Variants in LARGE1 observed in about 807,000 individuals in gnomAD.
LARGE1 encodes the protein LARGE xylosyl- and glucuronyltransferase 1, also known as xylosyl- and glucuronyltransferase LARGE1.
In LARGE1, 43 loss-of-function variants were observed where a neutral mutation model predicts 87.6. That is an observed-to-expected ratio of 0.49 (90% confidence interval 0.38 to 0.63). The LOEUF is 0.63. Ranked by LOEUF, LARGE1 falls within the 30% of genes least tolerant of loss-of-function variation. The pLI is 0.00. For synonymous variants in LARGE1, 434 were observed against 394.6 expected (o/e 1.10, Z -1.18); for missense variants, 802 against 1,000.2 (o/e 0.80, Z 2.67).
chr22:33,130,853 G>A, the LARGE1 span, among the ~76,000 whole-genome samples: 1 of 151,768 alleles, frequency 6.6e-6, no homozygotes, highest in Non-Finnish European at 1.5e-5. Flanking sequence ...AGACCACGGT[G>A]AAACCCCGTC....
At chr22:33,402,787 C>T in intron 7 of LARGE1, among the ~76,000 whole-genome samples, 1 of 152,206 alleles carries the variant, frequency 6.6e-6, no homozygotes, top group Non-Finnish European at 1.5e-5. Context: ...CTGAATTCAC[C>T]ACTCACTGTG....
At chr22:33,617,267 G>A (rs1238256135) in intron 4 of LARGE1, among the ~76,000 whole-genome samples, 7 of 152,192 alleles carry the variant, frequency 4.6e-5, no homozygotes, top group African/African-American at 9.7e-5. Flanking sequence ...CTTTATATGC[G>A]TGACTTCTGA....
intron 2 of LARGE1, among the ~76,000 whole-genome samples, chr22:33,694,743 G>A (rs2082193501): frequency 6.6e-6 from 1 of 151,912 alleles, no homozygotes; most frequent in Non-Finnish European, 1.5e-5. Context: ...GGAGTAGGGA[G>A]AATGAAAAAA....
At position 33,847,110 on chromosome 22, in the gene LARGE1, C is replaced by T. The variant is rs1032012847; in HGVS notation, c.-83+72885G>A. On this transcript the variant is annotated intron_variant, in intron 1 of 14. Coordinates refer to ENST00000397394, the MANE Select transcript of LARGE1 (RefSeq NM_133642.5). ...ACCTACCGACATGTGATGTCTCCCCCGGATGCCCAGCTTTAAAATTTCTCT... is the reference window on the plus strand; with the variant it reads ...ACCTACCGACATGTGATGTCTCCCCTGGATGCCCAGCTTTAAAATTTCTCT... Among the ~76,000 whole-genome samples, 11 of 152,294 alleles carry T rather than the reference C, an allele frequency of 7.2e-5. No individual in the cohort carries two copies. In the South Asian group the frequency reaches 8.3e-4, roughly 11 times the overall value.
In LARGE1 at chr22:33,462,637, C is replaced by T. The variant is rs866613733; in HGVS notation, c.788-30372G>A. On this transcript the variant is annotated intron_variant, in intron 6 of 14. Coordinates refer to ENST00000397394, the MANE Select transcript of LARGE1 (RefSeq NM_133642.5). ...CTCTATTAAAAATACAAAAATTAGC[C>T]GGGTGTGGTGGCATGTGCCCATAAT... 1.8e-4 allele frequency among the ~76,000 whole-genome samples: 27 copies of T among 152,066 alleles called. 1 individual carries two copies. Among genetic ancestry groups the T allele is most frequent in the Middle Eastern group, 6.8e-3 (2 of 294 alleles).
intron 11 of LARGE1, among the ~76,000 whole-genome samples, chr22:33,191,895 A>C (rs1363721404): frequency 6.6e-6 from 1 of 152,212 alleles, no homozygotes; most frequent in Admixed American, 6.5e-5. Context: ...GATTTTCCCC[A>C]CTAGTGTATC....
At chr22:33,298,343 G>A (rs915053947) in intron 12 of LARGE1, among the ~76,000 whole-genome samples, 3 of 152,212 alleles carry the variant, frequency 2.0e-5, no homozygotes, top group African/African-American at 7.2e-5. Flanking sequence ...GCCTGGCCAC[G>A]CAGAGGCATG....
At chr22:33,922,279 T>TGGGGGGGGGGGGGTGGGGGGGGGGGGGGG (rs1555893682), upstream of LARGE1, 1 of 63,512 alleles carries the variant, frequency 1.6e-5, no homozygotes, top group Non-Finnish European at 3.3e-5. Flanking sequence ...GCTGGGGGGG[T>TGGGGGGGGGGGGGTGGGGGGGGGGGGGGG]GGGGCGGCAA....
At chr22:33,921,097 C>T (rs1423548214), upstream of LARGE1, among the ~76,000 whole-genome samples, 22 of 150,660 alleles carry the variant, frequency 1.5e-4, no homozygotes, top group Non-Finnish European at 1.2e-4. The surrounding 1 kb of genome is among the most constrained non-coding windows in gnomAD (Gnocchi z 4.1). Context: ...CCCGCGTCGG[C>T]GCCCGCCCCC....
chr22:33,246,460 A>G (rs1239596367), intron 11 of LARGE1, among the ~76,000 whole-genome samples: 1 of 152,118 alleles, frequency 6.6e-6, no homozygotes, highest in Non-Finnish European at 1.5e-5. Context: ...AGTCTGGCCA[A>G]CGTGGCAAAA....
intron 1 of LARGE1, among the ~76,000 whole-genome samples, chr22:33,911,762 T>G (rs988597701): frequency 6.6e-6 from 1 of 152,212 alleles, no homozygotes; most frequent in African/African-American, 2.4e-5. Context: ...CTTGCCTTTT[T>G]ACAAAGCCAT....
At chr22:33,322,253 C>T (rs745933566) in intron 10 of LARGE1, among the ~76,000 whole-genome samples, 2 of 152,170 alleles carry the variant, frequency 1.3e-5, no homozygotes, top group Non-Finnish European at 1.5e-5. Flanking sequence ...GAGCTGTATC[C>T]CCTTCATTTC....
rs1270753511 is a variant in LARGE1 at position 33,292,219 on chromosome 22, G to GAAT, written c.1731-8874_1731-8872dup. Among the ~76,000 whole-genome samples the GAAT allele has an allele frequency of 2.0e-5, 3 of 152,206 alleles. No individual in the cohort carries two copies. The East Asian group carries it at 5.8e-4, about 29-fold the overall frequency. ...ACTTCCAAGCCTCTAGAACCATGGG[G>GAAT]AATACATTTCTAAAAAATTACCCAG... On this transcript the variant is annotated intron_variant, in intron 12 of 14. Transcript: ENST00000397394.
chr22:33,272,504 T>G (rs1928351146), downstream of LARGE1, among the ~76,000 whole-genome samples: 1 of 152,238 alleles, frequency 6.6e-6, no homozygotes, highest in African/African-American at 2.4e-5. Context: ...GACTTTGACA[T>G]GTACTTTCAA....
chr22:33,896,255 T>C (rs1026861044), intron 1 of LARGE1, among the ~76,000 whole-genome samples: 1 of 152,232 alleles, frequency 6.6e-6, no homozygotes, highest in African/African-American at 2.4e-5. Context: ...TGTTGTCGCA[T>C]GTGACAGGAC....
chr22:33,392,151 CTTT>C (rs66724544), intron 7 of LARGE1, among the ~76,000 whole-genome samples: 4 of 140,708 alleles, frequency 2.8e-5, no homozygotes, highest in African/African-American at 5.2e-5. Context: ...CACGCTTCTT[CTTT>C]TTTTTTTTTT....
chr22:33,515,997 T>C (rs1411628749), intron 6 of LARGE1, among the ~76,000 whole-genome samples: 1 of 152,186 alleles, frequency 6.6e-6, no homozygotes, highest in East Asian at 1.9e-4. Flanking sequence ...GTCCAGGCCC[T>C]CTAAGAGCCT....
At chr22:33,385,810 T>C (rs2065304782) in intron 7 of LARGE1, among the ~76,000 whole-genome samples, 1 of 148,012 alleles carries the variant, frequency 6.8e-6, no homozygotes, top group Admixed American at 6.7e-5. Context: ...TCAGGATGCT[T>C]AGCTCAGCAG....
chr22:33,125,531 C>T, the LARGE1 span, among the ~76,000 whole-genome samples: 1 of 151,216 alleles, frequency 6.6e-6, no homozygotes, highest in Admixed American at 6.6e-5. Context: ...ACTGCAACCT[C>T]TGCCTCCTGT....
Sources: gnomAD v4.1 joint callset for allele counts (sites outside exome capture counted in the v4.1 genomes callset) on GRCh38, gnomAD v4.1.1 for gene constraint, Gnocchi (gnomAD v3.1) non-coding constraint, MANE v1.5 for transcripts, NCBI Gene and HGNC (gene_info 2026-07-23, HGNC 2026-07-21) for gene names.